Variants in PCDHGB1 observed in about 807,000 individuals in gnomAD.
PCDHGB1 encodes the protein protocadherin gamma-B1.
PCDHGB1 carries 34 observed loss-of-function variants against 56.6 expected under a neutral mutation model. The ratio of observed to expected loss-of-function variants is 0.60; its 90% CI spans 0.46 to 0.80. The LOEUF (loss-of-function observed/expected upper bound fraction) is 0.80. PCDHGB1 is among the 30% of genes least tolerant of loss of function. The probability of loss-of-function intolerance (pLI) is 0.00; values close to 1 mark genes in which losing one functional copy is unlikely to be tolerated. For synonymous variants in PCDHGB1, 561 were observed against 505.9 expected, an observed-to-expected ratio of 1.11 and a Z score of -1.46; for missense variants, 1,278 against 1,204.6, an observed-to-expected ratio of 1.06 and a Z score of -0.90.
At chr5:141,389,114 C>T in intron 1 of PCDHGB1, 2 of 1,614,004 alleles carry the variant, frequency 1.2e-6, no homozygotes, top group Non-Finnish European at 1.7e-6. Context: ...TTCTAGACCG[C>T]GAGCAGAATC....
chr5:141,373,350 A>G (rs1769502656), intron 1 of PCDHGB1, among the ~76,000 whole-genome samples: 1 of 152,206 alleles, frequency 6.6e-6, no homozygotes, highest in Non-Finnish European at 1.5e-5. Context: ...AACTCTTGTA[A>G]TGGGCACTGT....
chr5:141,388,663 C>A (rs770660956), intron 1 of PCDHGB1: 1 of 1,613,928 alleles, frequency 6.2e-7, no homozygotes, highest in Non-Finnish European at 8.5e-7. Context: ...CCGGGGACCA[C>A]GGTGCTACAG....
chr5:141,374,812 T>C, intron 1 of PCDHGB1: 1 of 1,613,998 alleles, frequency 6.2e-7, no homozygotes, highest in Non-Finnish European at 8.5e-7. Flanking sequence ...CAATGTTTAC[T>C]CAGCCTGTCT....
intron 1 of PCDHGB1, chr5:141,430,515 G>A (rs1016446331): frequency 2.1e-5 from 7 of 340,180 alleles, no homozygotes; most frequent in Admixed American, 1.8e-4. Flanking sequence ...TCAAGATTGT[G>A]CAGTAATTGG....
At chr5:141,375,076 G>C in intron 1 of PCDHGB1, 1 of 1,614,010 alleles carries the variant, frequency 6.2e-7, no homozygotes, top group Non-Finnish European at 8.5e-7. Context: ...GAGACAGAGC[G>C]AAAGTCTTAA....
At chr5:141,445,781 G>A (rs1424622281) in intron 1 of PCDHGB1, among the ~76,000 whole-genome samples, 25 of 152,112 alleles carry the variant, frequency 1.6e-4, no homozygotes, top group Admixed American at 1.6e-3. Flanking sequence ...AAAGGGCTAG[G>A]GAGGCTAGAA....
intron 1 of PCDHGB1, chr5:141,423,945 A>T (rs931771609): frequency 4.1e-6 from 5 of 1,207,688 alleles, no homozygotes; most frequent in Non-Finnish European, 4.1e-6. Context: ...AGTAAGTTGA[A>T]TTTTAGTATT....
At chr5:141,391,869 T>A (rs2092430763) in intron 1 of PCDHGB1, 2 of 152,218 alleles carry the variant, frequency 1.3e-5, no homozygotes, top group Admixed American at 1.3e-4. Flanking sequence ...AATTTAATCA[T>A]CTCTTTGGTG....
At chr5:141,482,048 G>T (rs375214441) in intron 1 of PCDHGB1, among the ~76,000 whole-genome samples, 12 of 150,156 alleles carry the variant, frequency 8.0e-5, no homozygotes, top group Middle Eastern at 6.9e-3. Flanking sequence ...TCATGCTGTT[G>T]CATTCCAGCC....
At position 141,511,871 on chromosome 5, in the gene PCDHGB1, A is replaced by T. The variant is rs1306732557; in HGVS notation, c.*698A>T. On this transcript the variant is annotated 3_prime_UTR_variant, in exon 4 of 4. Coordinates refer to ENST00000523390, the MANE Select transcript of PCDHGB1 (RefSeq NM_018922.3). ...TTGTTTTTCATTGTTTGACGTTTCCACTGCATGCCTTGACTTCCCCCACCT... is the reference window on the plus strand; with the variant it reads ...TTGTTTTTCATTGTTTGACGTTTCCTCTGCATGCCTTGACTTCCCCCACCT... 1 of 156,376 alleles carries T rather than the reference A, an allele frequency of 6.4e-6. No homozygotes were observed. The highest frequency in any genetic ancestry group is 1.9e-4 in the East Asian group (1 of 5,268). 9.7% of individuals were successfully genotyped at this position (156,376 alleles called of 1,614,324 possible).
At chr5:141,353,218 G>A (rs1759220023) in intron 1 of PCDHGB1, among the ~76,000 whole-genome samples, 1 of 152,116 alleles carries the variant, frequency 6.6e-6, no homozygotes, top group African/African-American at 2.4e-5. Flanking sequence ...TTTCCTAGAT[G>A]TTAACACTTA....
intron 1 of PCDHGB1, chr5:141,396,655 C>T (rs1589287485): frequency 6.6e-6 from 1 of 152,052 alleles, no homozygotes; most frequent in South Asian, 2.1e-4. Context: ...AGTAAAAACT[C>T]GGTATAGGCT....
In PCDHGB1 at chr5:141,431,814, T is replaced by C. The variant is rs1300319049; in HGVS notation, c.2410-62993T>C. 1 of 1,614,246 alleles carries C rather than the reference T, an allele frequency of 6.2e-7. No homozygotes were observed. Among genetic ancestry groups the C allele is most frequent in the Non-Finnish European group, 8.5e-7 (1 of 1,180,044 alleles). ...GCCCCAGAAGTGGTCCTCACCTCTC[T>C]CGCCAGCTCGGTTCCCGAAAACTCT... On this transcript the variant is annotated intron_variant, in intron 1 of 3. Coordinates refer to ENST00000523390, the MANE Select transcript of PCDHGB1 (RefSeq NM_018922.3). The surrounding 1 kb of genome is among the most constrained non-coding windows in gnomAD (Gnocchi z 4.8).
intron 1 of PCDHGB1, chr5:141,370,394 G>A (rs758929639): frequency 1.3e-6 from 2 of 1,547,668 alleles, no homozygotes; most frequent in African/African-American, 1.4e-5. Flanking sequence ...CAGAGAGCGG[G>A]ATGGGAAATA....
At chr5:141,394,251 G>A (rs1380359596) in intron 1 of PCDHGB1, 1 of 1,613,744 alleles carries the variant, frequency 6.2e-7, no homozygotes, top group Non-Finnish European at 8.5e-7. Flanking sequence ...ACACGACCCC[G>A]ACAGCCAGGA....
rs184178455 is a variant in PCDHGB1 at position 141,428,574 on chromosome 5, T to C, written c.2410-66233T>C. ...CAGTCCCCCCACAAGATCTTTCTAA[T>C]GAAGTTTCTCTGGTAGCAAGCTTCA... is the stretch of plus-strand genomic sequence containing the variant. On this transcript the variant is annotated intron_variant, in intron 1 of 3. Transcript: ENST00000523390. 1.8e-3 allele frequency: 416 copies of C among 229,070 alleles called. 3 individuals are homozygous for C. The highest frequency in any genetic ancestry group is 2.8e-3 in the Non-Finnish European group (314 of 113,918). The allele number at this position is 229,070 out of a possible 1,614,324, so 14.2% of individuals were successfully genotyped here. A position where few individuals can be genotyped will look rare whatever the true frequency, so the allele number is the denominator to read the frequency against.
At chr5:141,360,926 T>G (rs1187113113) in intron 1 of PCDHGB1, 1 of 1,613,986 alleles carries the variant, frequency 6.2e-7, no homozygotes, top group Non-Finnish European at 8.5e-7. Flanking sequence ...GTGCTTCAAG[T>G]GACAGCCACC....
Position 141,376,289 on chromosome 5 carries a change from C to G in PCDHGB1, c.2409+23620C>G, listed in dbSNP as rs778496260. 2.5e-6 allele frequency: 4 copies of G among 1,614,176 alleles called. No individual in the cohort carries two copies. Among genetic ancestry groups the G allele is most frequent in the African/African-American group, 2.7e-5 (2 of 75,056 alleles). ...TTCGGGAGGTGGCTTAGCGAGCATG[C>G]CCGGCTCGCACTTTGTGGGCGTGGA... On this transcript the variant is annotated intron_variant, in intron 1 of 3. Coordinates refer to ENST00000523390, the MANE Select transcript of PCDHGB1 (RefSeq NM_018922.3).
In PCDHGB1 at chr5:141,383,779, C is replaced by G. The variant is rs1779468390; in HGVS notation, c.2409+31110C>G. 1 of 1,614,002 alleles carries G rather than the reference C, an allele frequency of 6.2e-7. No homozygotes were observed. ...TCCTAAACTTCCAAAGATGTTTCATCTGAACTCGCTTACAGGAGAAATATC... is the reference window on the plus strand; with the variant it reads ...TCCTAAACTTCCAAAGATGTTTCATGTGAACTCGCTTACAGGAGAAATATC... On this transcript the variant is annotated intron_variant, in intron 1 of 3. Coordinates refer to ENST00000523390, the MANE Select transcript of PCDHGB1 (RefSeq NM_018922.3).
Sources: gnomAD v4.1 joint callset for allele counts (sites outside exome capture counted in the v4.1 genomes callset) on GRCh38, gnomAD v4.1.1 for gene constraint, Gnocchi (gnomAD v3.1) non-coding constraint, MANE v1.5 for transcripts, NCBI Gene and HGNC (gene_info 2026-07-23, HGNC 2026-07-21) for gene names.